Variants in PRIM2 observed in about 807,000 individuals in gnomAD.
PRIM2 encodes DNA primase subunit 2.
In PRIM2, 39 loss-of-function variants were observed where a neutral mutation model predicts 67.3. The ratio of observed to expected loss-of-function variants is 0.58; its 90% CI spans 0.45 to 0.76. The LOEUF (loss-of-function observed/expected upper bound fraction) is 0.76, where lower values mean the gene tolerates loss of function less well. Among genes scored for constraint, PRIM2 ranks in the 30% least tolerant of loss-of-function variants. PRIM2 has a pLI of 0.00. For missense variants in PRIM2, 398 were observed against 598.7 expected, an observed-to-expected ratio of 0.66 and a Z score of 3.50; for synonymous variants, 143 against 198.7, an observed-to-expected ratio of 0.72 and a Z score of 2.36.
rs371524975 is a variant in PRIM2 at position 57,381,643 on chromosome 6, G to C, written c.556-388G>C. ...AGTAATTTTCAGCTCTGAATATGTT[G>C]TTTACAAATTAGGATTCTCTCTGAT... On this transcript the variant is annotated intron_variant, in intron 6 of 13. Transcript: ENST00000615550. Among the ~76,000 whole-genome samples, 281 of 152,260 alleles carry C rather than the reference G, an allele frequency of 1.8e-3. 2 individuals are homozygous for C. Among genetic ancestry groups the C allele is most frequent in the African/African-American group, 6.6e-3 (276 of 41,540 alleles).
the PRIM2 span, among the ~76,000 whole-genome samples, chr6:57,306,637 G>A: frequency 5.1e-3 from 773 of 152,274 alleles, 3 homozygotes; most frequent in Non-Finnish European, 8.8e-3. Context: ...CTTCCCCACT[G>A]AGCCATCAGC....
intron 8 of PRIM2, among the ~76,000 whole-genome samples, chr6:57,525,659 A>T (rs1421055224): frequency 2.6e-5 from 4 of 152,222 alleles, no homozygotes; most frequent in Non-Finnish European, 5.9e-5. Context: ...TCTAAAGCAT[A>T]ACTCTCTCTA....
At chr6:57,340,395 A>G (rs1371287807) in intron 5 of PRIM2, among the ~76,000 whole-genome samples, 2 of 152,152 alleles carry the variant, frequency 1.3e-5, no homozygotes, top group Non-Finnish European at 1.5e-5. Flanking sequence ...TGCTATAAAG[A>G]CACATGCACA....
chr6:57,571,699 A>T (rs1372222853), intron 10 of PRIM2, among the ~76,000 whole-genome samples: 3 of 152,182 alleles, frequency 2.0e-5, no homozygotes. Context: ...ACAACAGTGA[A>T]TGCATTCCCT....
At chr6:57,252,193 T>G in the PRIM2 span, among the ~76,000 whole-genome samples, 50 of 152,352 alleles carry the variant, frequency 3.3e-4, no homozygotes, top group African/African-American at 1.1e-3. Context: ...TCTTCATTTA[T>G]CTCTTGATTC....
At chr6:57,357,473 C>G (rs940023615) in intron 5 of PRIM2, among the ~76,000 whole-genome samples, 1 of 152,134 alleles carries the variant, frequency 6.6e-6, no homozygotes, top group African/African-American at 2.4e-5. Context: ...GTTTTTTCCC[C>G]TTGACTTTGG....
At chr6:57,546,144 A>G (rs1775286999) in intron 10 of PRIM2, among the ~76,000 whole-genome samples, 1 of 152,224 alleles carries the variant, frequency 6.6e-6, no homozygotes, top group Admixed American at 6.5e-5. Context: ...AGGTTTACTG[A>G]AAAGCGGAAA....
chr6:57,569,233 C>T (rs1318062247), intron 10 of PRIM2, among the ~76,000 whole-genome samples: 4 of 152,248 alleles, frequency 2.6e-5, no homozygotes, highest in Admixed American at 1.3e-4. Context: ...TGTCAAGTGC[C>T]TGACACACTG....
chr6:57,559,034 G>A (rs1409501190), intron 10 of PRIM2, among the ~76,000 whole-genome samples: 2 of 151,894 alleles, frequency 1.3e-5, no homozygotes, highest in African/African-American at 4.8e-5. Context: ...CTATTTGGGA[G>A]GCTGAGATGG....
intron 7 of PRIM2, among the ~76,000 whole-genome samples, chr6:57,488,681 C>T (rs1773808082): frequency 6.6e-6 from 1 of 152,174 alleles, no homozygotes; most frequent in Non-Finnish European, 1.5e-5. Context: ...CACATGGTTG[C>T]AATTGTTGGA....
intron 12 of PRIM2, among the ~76,000 whole-genome samples, chr6:57,614,236 C>CTAATAA (rs1776715017): frequency 6.6e-6 from 1 of 152,176 alleles, no homozygotes; most frequent in African/African-American, 2.4e-5. Context: ...GAGAATCGAA[C>CTAATAA]TAATAATGTC....
At chr6:57,364,140 T>C (rs868109183) in intron 5 of PRIM2, among the ~76,000 whole-genome samples, 2 of 152,140 alleles carry the variant, frequency 1.3e-5, no homozygotes, top group Non-Finnish European at 2.9e-5. Context: ...TATTTTAATA[T>C]TTGCTTTTCT....
At chr6:57,511,529 G>T (rs1428572173) in intron 8 of PRIM2, among the ~76,000 whole-genome samples, 1 of 152,102 alleles carries the variant, frequency 6.6e-6, no homozygotes, top group African/African-American at 2.4e-5. Flanking sequence ...TGTCTCCCTC[G>T]TGGAATTATC....
chr6:57,638,576 C>CAAAAA (rs1227220865), intron 13 of PRIM2, among the ~76,000 whole-genome samples: 29 of 32,006 alleles, frequency 9.1e-4, no homozygotes, highest in East Asian at 2.8e-3. Flanking sequence ...AAACAGAAAG[C>CAAAAA]AAAAAAAAAA....
At chr6:57,467,686 G>A (rs1419360975) in intron 7 of PRIM2, among the ~76,000 whole-genome samples, 1 of 152,130 alleles carries the variant, frequency 6.6e-6, no homozygotes, top group East Asian at 1.9e-4. Context: ...AGCTTGATGA[G>A]GATAGCATTG....
intron 4 of PRIM2, 40 bp downstream of exon 4, chr6:57,324,320 C>A: frequency 1.5e-6 from 2 of 1,291,920 alleles, no homozygotes; most frequent in South Asian, 1.3e-5. Context: ...AATCTGGTGT[C>A]ATGGGTTATA....
the PRIM2 span, among the ~76,000 whole-genome samples, chr6:57,288,864 C>T: frequency 2.0e-5 from 3 of 152,182 alleles, no homozygotes; most frequent in Non-Finnish European, 4.4e-5. Context: ...AGCAGAAAAG[C>T]TGAAAATTCC....
At chr6:57,256,540 T>C in the PRIM2 span, among the ~76,000 whole-genome samples, 1 of 152,154 alleles carries the variant, frequency 6.6e-6, no homozygotes. Flanking sequence ...CTAAATTCTG[T>C]GCTTTTCCTC....
intron 7 of PRIM2, among the ~76,000 whole-genome samples, chr6:57,417,343 G>C (rs1342298265): frequency 6.6e-6 from 1 of 152,028 alleles, no homozygotes; most frequent in Non-Finnish European, 1.5e-5. Context: ...TTGCATTTAC[G>C]ACTTTGCTCA....
Sources: gnomAD v4.1 joint callset for allele counts (sites outside exome capture counted in the v4.1 genomes callset) on GRCh38, gnomAD v4.1.1 for gene constraint, MANE v1.5 for transcripts, NCBI Gene and HGNC (gene_info 2026-07-23, HGNC 2026-07-21) for gene names.